The following CASZ1 variants were observed in gnomAD, a reference collection of about 807,000 sequenced individuals.
The protein encoded by CASZ1 is castor zinc finger 1, also known as zinc finger protein castor homolog 1.
In CASZ1, 28 loss-of-function variants were observed where a neutral mutation model predicts 135.2. The ratio of observed to expected loss-of-function variants is 0.21; its 90% CI spans 0.15 to 0.28. The LOEUF is 0.28. CASZ1 is among the 10% of genes least tolerant of loss of function. The pLI, the probability that CASZ1 is intolerant of heterozygous loss-of-function variation, is 1.00. For missense variants in CASZ1, 2,161 were observed against 2,453.3 expected, an observed-to-expected ratio of 0.88 and a Z score of 2.52; for synonymous variants, 1,068 against 1,073.4, an observed-to-expected ratio of 0.99 and a Z score of 0.10.
intron 4 of CASZ1, 101 bp from the exon 5 acceptor site, chr1:10,665,672 C>G (rs1430429537): frequency 7.5e-7 from 1 of 1,333,244 alleles, no homozygotes; most frequent in African/African-American, 1.5e-5. Flanking sequence ...AGGCCTCCCC[C>G]ATTGACCACA....
Position 10,665,398 on chromosome 1 carries a change from G to T in CASZ1, c.190C>A (p.Gln64Lys). The change falls in exon 5 of 21, where the codon CAA (glutamine) becomes AAA (lysine). Residue 64 changes from glutamine to lysine, a missense_variant. Gln to Lys is a moderately conservative substitution (Grantham distance 53). This residue lies in a region of CASZ1 where 590 missense variants were observed against 609.8 expected (regional missense o/e 0.97). Coordinates refer to ENST00000377022, the MANE Select transcript of CASZ1 (RefSeq NM_001079843.3). ...TEGSPSQPRD[Q>K]ERSGPESGAA... ...CCAGACTCAGGGCCACTGCGCTCTT[G>T]GTCCCGGGGCTGCGATGGGCTGCCC... The T allele has an allele frequency of 6.2e-7, 1 of 1,612,898 alleles. No homozygotes were observed.
chr1:10,704,880 C>G (rs1639139940), intron 3 of CASZ1, among the ~76,000 whole-genome samples: 1 of 152,250 alleles, frequency 6.6e-6, no homozygotes, highest in Non-Finnish European at 1.5e-5. Flanking sequence ...GAAGGCTGGG[C>G]CAGGCTGGGG....
chr1:10,746,663 G>A (rs936552996), intron 2 of CASZ1, among the ~76,000 whole-genome samples: 3 of 152,244 alleles, frequency 2.0e-5, no homozygotes, highest in African/African-American at 4.8e-5. Flanking sequence ...CTGGACCCGG[G>A]ACCTTCTCCT....
intron 4 of CASZ1, among the ~76,000 whole-genome samples, chr1:10,685,616 A>G (rs1297577707): frequency 1.3e-5 from 2 of 152,204 alleles, no homozygotes; most frequent in Non-Finnish European, 2.9e-5. Flanking sequence ...CCAACCCGGG[A>G]GCCCTCAGAG....
chr1:10,688,772 G>A lies in CASZ1; in HGVS notation c.16+5102C>T, dbSNP rs144082368. On this transcript the variant is annotated intron_variant, in intron 4 of 20. Coordinates refer to ENST00000377022, the MANE Select transcript of CASZ1 (RefSeq NM_001079843.3). ...TGGCCAGGCAGCCAGAGGGGTGTGC[G>A]CTAGACCACCAAGCTGCTGCCCTGC... Among the ~76,000 whole-genome samples, 842 of 152,296 alleles carry A rather than the reference G, an allele frequency of 5.5e-3. 6 individuals are homozygous for A. The highest frequency in any genetic ancestry group is 0.019 in the African/African-American group (778 of 41,546).
intron 5 of CASZ1, among the ~76,000 whole-genome samples, chr1:10,663,500 G>A (rs1008723649): frequency 1.3e-5 from 2 of 152,246 alleles, no homozygotes; most frequent in African/African-American, 4.8e-5. Context: ...GGAGGAGTGG[G>A]CTCTGGCTGC....
At chr1:10,723,252 T>A (rs1639536742) in intron 2 of CASZ1, among the ~76,000 whole-genome samples, 1 of 152,068 alleles carries the variant, frequency 6.6e-6, no homozygotes, top group South Asian at 2.1e-4. Context: ...GGGGCCCACC[T>A]CCCCCTGGCC....
Position 10,638,895 on chromosome 1 carries a change from CCCGAGGCCGAGG to C in CASZ1, c.*35_*46del, listed in dbSNP as rs969077491. On this transcript the variant is annotated 3_prime_UTR_variant, in exon 21 of 21. Coordinates refer to ENST00000377022, the MANE Select transcript of CASZ1 (RefSeq NM_001079843.3). This position sits in a 1 kb window ranked among gnomAD's most constrained non-coding sequence, Gnocchi z 5.9. Reference sequence around the variant, plus strand: ...CCGCTTCGCGCGGGGCGGCGCCGCTCCCGAGGCCGAGGCCGAGGCCGCCGCCAGGGCCACCCG... The same window carrying C: ...CCGCTTCGCGCGGGGCGGCGCCGCTCCCGAGGCCGCCGCCAGGGCCACCCG... 4.2e-6 allele frequency: 4 copies of C among 961,732 alleles called. No individual in the cohort carries two copies. The highest frequency in any genetic ancestry group is 1.9e-5 in the African/African-American group (1 of 53,354). The allele number at this position is 961,732 out of a possible 1,614,324, so 59.6% of individuals were successfully genotyped here. A position where few individuals can be genotyped will look rare whatever the true frequency, so the allele number is the denominator to read the frequency against.
rs1207922284 is a variant in CASZ1, at chr1:10,646,088, C to T, written c.3696+40G>A. 1 of 1,597,306 alleles carries T rather than the reference C, an allele frequency of 6.3e-7. No individual in the cohort carries two copies. Among genetic ancestry groups the T allele is most frequent in the Non-Finnish European group, 8.6e-7 (1 of 1,166,096 alleles). On this transcript the variant is annotated intron_variant, in intron 17 of 20. Transcript: ENST00000377022. The surrounding 1 kb of genome is among the most constrained non-coding windows in gnomAD (Gnocchi z 6.4). ...CCTGAGCTAGCCCTGCACCTCCCTG[C>T]CCCCTACTCTGCCCCTGCGCCGTGT... is the stretch of plus-strand genomic sequence containing the variant.
At chr1:10,682,853 G>A (rs1397910865) in intron 4 of CASZ1, among the ~76,000 whole-genome samples, 6 of 152,256 alleles carry the variant, frequency 3.9e-5, no homozygotes, top group South Asian at 2.1e-4. Context: ...GGCCCTTGGA[G>A]GCGTGGTGCC....
Position 10,741,981 on chromosome 1 carries a change from C to T in CASZ1, c.-77+18720G>A, listed in dbSNP as rs191777615. On this transcript the variant is annotated intron_variant, in intron 2 of 20. Transcript: ENST00000377022. The surrounding 1 kb of genome is among the most constrained non-coding windows in gnomAD (Gnocchi z 5.0). Reference sequence around the variant, plus strand: ...AAGCGCCGAGACACGGACCCCTCACCGCTTCTCACGTGCCCCCAGCCGCAA... The same window carrying T: ...AAGCGCCGAGACACGGACCCCTCACTGCTTCTCACGTGCCCCCAGCCGCAA... 3.2e-4 allele frequency among the ~76,000 whole-genome samples: 48 copies of T among 152,170 alleles called. No individual in the cohort carries two copies. Among genetic ancestry groups the T allele is most frequent in the African/African-American group, 1.1e-3 (45 of 41,506 alleles).
At position 10,666,379 on chromosome 1, in the gene CASZ1, C is replaced by T. The variant is rs567145559; in HGVS notation, c.17-808G>A. 1.3e-5 allele frequency among the ~76,000 whole-genome samples: 2 copies of T among 152,302 alleles called. No homozygotes were observed. Among genetic ancestry groups the T allele is most frequent in the South Asian group, 2.1e-4 (1 of 4,822 alleles). On this transcript the variant is annotated intron_variant, in intron 4 of 20. Coordinates refer to ENST00000377022, the MANE Select transcript of CASZ1 (RefSeq NM_001079843.3). This position sits in a 1 kb window ranked among gnomAD's most constrained non-coding sequence, Gnocchi z 5.2. The stretch of plus-strand genomic sequence containing the variant: ...CCTGTTGCCACTCCCTTCCCCAAGC[C>T]TCAGTCAGAGCCATCCAAGTGGAGT...
At chr1:10,758,086 A>G (rs1166190734) in intron 2 of CASZ1, among the ~76,000 whole-genome samples, 1 of 152,016 alleles carries the variant, frequency 6.6e-6, no homozygotes, top group Non-Finnish European at 1.5e-5. Flanking sequence ...CTGTCCTTCA[A>G]TCTCAGCTAA....
rs999031569 is a variant in CASZ1, at chr1:10,676,702, G to A, written c.17-11131C>T. On this transcript the variant is annotated intron_variant, in intron 4 of 20. Transcript: ENST00000377022. The surrounding 1 kb of genome is among the most constrained non-coding windows in gnomAD (Gnocchi z 4.5). ...CAGAAACGAGCCCCTGGCCCGGGGC[G>A]AGCAGCCCCACAGTTTCCTGACGTG... is the stretch of plus-strand genomic sequence containing the variant. Among the ~76,000 whole-genome samples the A allele has an allele frequency of 9.9e-5, 15 of 152,158 alleles. No individual in the cohort carries two copies. The highest frequency in any genetic ancestry group is 4.4e-5 in the Non-Finnish European group (3 of 68,014).
chr1:10,745,799 G>T (rs1195418843), intron 2 of CASZ1, among the ~76,000 whole-genome samples: 1 of 152,180 alleles, frequency 6.6e-6, no homozygotes, highest in Non-Finnish European at 1.5e-5. Context: ...CTAGAAGATG[G>T]AGTGATCACA....
chr1:10,716,307 T>C (rs1639392520), intron 2 of CASZ1, among the ~76,000 whole-genome samples: 1 of 151,586 alleles, frequency 6.6e-6, no homozygotes, highest in South Asian at 2.1e-4. Flanking sequence ...CCCAATCCGC[T>C]CCCCATCCAC....
intron 13 of CASZ1, 41 bp downstream of exon 13, chr1:10,650,651 C>T (rs757731151): frequency 6.5e-7 from 1 of 1,537,946 alleles, no homozygotes; most frequent in African/African-American, 1.4e-5. Context: ...TTTAATTTCT[C>T]TGGGTGGGGG....
At position 10,723,791 on chromosome 1, in the gene CASZ1, C is replaced by T. The variant is rs560121671; in HGVS notation, c.-76-18247G>A. ...CTAGATGCCCAGGAAGCTCATCCAG[C>T]GGTCACATTTCCCTCTAACTCCCCC... is the stretch of plus-strand genomic sequence containing the variant. On this transcript the variant is annotated intron_variant, in intron 2 of 20. Coordinates refer to ENST00000377022, the MANE Select transcript of CASZ1 (RefSeq NM_001079843.3). Among the ~76,000 whole-genome samples, 11 of 152,312 alleles carry T rather than the reference C, an allele frequency of 7.2e-5. No individual in the cohort carries two copies. The East Asian group carries it at 1.5e-3, about 21-fold the overall frequency.
intron 4 of CASZ1, among the ~76,000 whole-genome samples, chr1:10,673,446 TGCACACACGCGCGTGCAC>T (rs1386653866): frequency 6.6e-6 from 1 of 152,176 alleles, no homozygotes; most frequent in African/African-American, 2.4e-5. Context: ...GTTGTGTGTG[TGCACACACGCGCGTGCAC>T]GCACACACAC....
Sources: gnomAD v4.1 joint callset for allele counts (sites outside exome capture counted in the v4.1 genomes callset) on GRCh38, gnomAD v4.1.1 for gene constraint, gnomAD v4.1.1 regional missense constraint, Gnocchi (gnomAD v3.1) non-coding constraint, MANE v1.5 for transcripts, NCBI Gene and HGNC (gene_info 2026-07-23, HGNC 2026-07-21) for gene names.